Variants in OTOGL observed in about 807,000 individuals in gnomAD.
The protein encoded by OTOGL is otogelin-like protein.
In OTOGL, 285 loss-of-function variants were observed where a neutral mutation model predicts 318.5. The ratio of observed to expected loss-of-function variants is 0.89; its 90% confidence interval spans 0.81 to 0.99. OTOGL has a LOEUF of 0.99. Among genes scored for constraint, OTOGL ranks in the 50% least tolerant of loss-of-function variants. The pLI is 0.00. For missense variants in OTOGL, 2,899 were observed against 2,845.6 expected (o/e 1.02, Z -0.43); for synonymous variants, 987 against 936.5 (o/e 1.05, Z -0.99).
At position 80,352,397 on chromosome 12, in the gene OTOGL, T is replaced by G; in HGVS notation, c.5368T>G (p.Phe1790Val). The G allele has an allele frequency of 6.2e-7, 1 of 1,612,182 alleles. No individual in the cohort carries two copies. The highest frequency in any genetic ancestry group is 1.7e-4 in the Middle Eastern group (1 of 6,052). ...TGCATATGTGGCTCTGTGCAACAAG[T>G]TTGATATCTGTATTCAGTGGAGAAC... ...LSAYVALCNKFDICIQWRTPD... is the reference protein window; with the variant it reads ...LSAYVALCNKVDICIQWRTPD... Residue 1790 changes from phenylalanine (F) to valine (V), a missense_variant, in exon 45 of 59, where the codon TTT becomes GTT. By Grantham distance (50) the Phe-to-Val change is conservative. Transcript: ENST00000547103.
At chr12:80,324,916 G>A (rs1346791852) in intron 35 of OTOGL, among the ~76,000 whole-genome samples, 1 of 152,110 alleles carries the variant, frequency 6.6e-6, no homozygotes, top group Non-Finnish European at 1.5e-5. Flanking sequence ...ACAGTTCGGA[G>A]GAAAGGTCAG....
intron 22 of OTOGL, among the ~76,000 whole-genome samples, chr12:80,269,120 T>C (rs1211583150): frequency 6.6e-6 from 1 of 152,108 alleles, no homozygotes; most frequent in Non-Finnish European, 1.5e-5. Context: ...CAGTGGTGAA[T>C]CACACCTCTG....
At chr12:80,110,070 T>C (rs1869738246) in intron 1 of OTOGL, among the ~76,000 whole-genome samples, 1 of 139,820 alleles carries the variant, frequency 7.2e-6, no homozygotes, top group Non-Finnish European at 1.5e-5. Flanking sequence ...TTTCTTTCTT[T>C]TTTTTTTTTT....
chr12:80,225,427 T>C (rs1418761396), intron 7 of OTOGL, among the ~76,000 whole-genome samples: 2 of 152,134 alleles, frequency 1.3e-5, no homozygotes, highest in African/African-American at 4.8e-5. Flanking sequence ...TTGTTTTGAG[T>C]AGTAAAATTT....
At chr12:80,345,233 A>AT (rs1398667048) in intron 44 of OTOGL, among the ~76,000 whole-genome samples, 2 of 137,930 alleles carry the variant, frequency 1.5e-5, no homozygotes, top group African/African-American at 2.7e-5. Context: ...TATATTATAT[A>AT]TATATATTTT....
rs1479288640 is a variant in OTOGL, at chr12:80,128,382, C to T, written c.-20+28777C>T. ...TATTGGTGAACAGCAAATGTTGCTG[C>T]CTGATCGTTCCTCTGGAAGTTTTGT... On this transcript the variant is annotated intron_variant, in intron 1 of 58. Transcript: ENST00000547103. Among the ~76,000 whole-genome samples, 7 of 152,274 alleles carry T rather than the reference C, an allele frequency of 4.6e-5. No individual in the cohort carries two copies. In the South Asian group the frequency reaches 1.0e-3, roughly 23 times the overall value.
chr12:80,130,636 A>C (rs1871180694), intron 1 of OTOGL, among the ~76,000 whole-genome samples: 1 of 152,216 alleles, frequency 6.6e-6, no homozygotes, highest in African/African-American at 2.4e-5. Flanking sequence ...TAAGTTCTAC[A>C]GTATATGCTG....
At chr12:80,276,823 T>C (rs1883844285) in intron 24 of OTOGL, among the ~76,000 whole-genome samples, 1 of 151,616 alleles carries the variant, frequency 6.6e-6, no homozygotes, top group African/African-American at 2.4e-5. Flanking sequence ...AAACAAGATA[T>C]TTATGGTCCT....
chr12:80,205,718 A>G (rs1000210855), intron 1 of OTOGL, among the ~76,000 whole-genome samples: 2 of 152,220 alleles, frequency 1.3e-5, no homozygotes, highest in African/African-American at 4.8e-5. Context: ...ACAAGTAAAG[A>G]GTATTTGCAT....
rs117323670 is a variant in OTOGL at position 80,109,351 on chromosome 12, T to C, written c.-20+9746T>C. On this transcript the variant is annotated intron_variant, in intron 1 of 58. Coordinates refer to ENST00000547103, the MANE Select transcript of OTOGL (RefSeq NM_001378609.3). ...GGTTCTTTCTCTATTTGTTATTGTA[T>C]CTTCTTTTTCATTCGGGGAGAAATG... Among the ~76,000 whole-genome samples the C allele has an allele frequency of 1.1e-3, 166 of 152,306 alleles. 2 individuals carry two copies. In the East Asian group the frequency reaches 0.024, roughly 22 times the overall value.
chr12:80,232,873 T>C lies in OTOGL; in HGVS notation c.612-19T>C. 1 of 1,563,712 alleles carries C rather than the reference T, an allele frequency of 6.4e-7. No homozygotes were observed. Among genetic ancestry groups the C allele is most frequent in the Non-Finnish European group, 8.7e-7 (1 of 1,148,702 alleles). ...GACTTTATCATCATTCTTAGATAGC[T>C]TTTGTTCTGTTTTTCAAGTTTAACA... On this transcript the variant is annotated intron_variant, in intron 8 of 58. Transcript: ENST00000547103.
At chr12:80,127,401 C>A (rs183050723) in intron 1 of OTOGL, among the ~76,000 whole-genome samples, 69 of 152,284 alleles carry the variant, frequency 4.5e-4, no homozygotes, top group African/African-American at 1.6e-3. Flanking sequence ...GAGTTTCTGC[C>A]GAGAGATCCG....
At chr12:80,130,760 T>G (rs1304624421) in intron 1 of OTOGL, among the ~76,000 whole-genome samples, 1 of 152,248 alleles carries the variant, frequency 6.6e-6, no homozygotes, top group Non-Finnish European at 1.5e-5. Flanking sequence ...TGAATTCATT[T>G]ATATGAACAT....
At chr12:80,151,209 C>G (rs1014212236) in intron 1 of OTOGL, among the ~76,000 whole-genome samples, 79 of 152,190 alleles carry the variant, frequency 5.2e-4, no homozygotes, top group African/African-American at 1.8e-3. Context: ...GTACAAAAAG[C>G]AACTCTAAAT....
chr12:80,259,248 T>C (rs1882321285), intron 18 of OTOGL, among the ~76,000 whole-genome samples: 1 of 151,440 alleles, frequency 6.6e-6, no homozygotes, highest in Admixed American at 6.6e-5. Flanking sequence ...TTTGTGATTA[T>C]GGCTAGAAGA....
At chr12:80,272,597 C>T (rs965145400) in intron 24 of OTOGL, among the ~76,000 whole-genome samples, 19 of 152,100 alleles carry the variant, frequency 1.2e-4, no homozygotes, top group Non-Finnish European at 2.4e-4. Context: ...GAGGGAGTGC[C>T]ATCTAAGGCA....
intron 11 of OTOGL, among the ~76,000 whole-genome samples, chr12:80,243,440 C>A (rs559047212): frequency 5.3e-5 from 8 of 151,718 alleles, no homozygotes; most frequent in African/African-American, 1.9e-4. Flanking sequence ...TACTCCTACC[C>A]TAAAAGTATG....
chr12:80,295,157 C>CTTTTTTTTTTTTTTTT (rs66786755), intron 26 of OTOGL, among the ~76,000 whole-genome samples: 5 of 98,926 alleles, frequency 5.1e-5, no homozygotes, highest in African/African-American at 2.4e-4. Context: ...GATTGCCGAA[C>CTTTTTTTTTTTTTTTT]TTTTTTTTTT....
Position 80,114,367 on chromosome 12 carries a change from T to C in OTOGL, c.-20+14762T>C, listed in dbSNP as rs1565865174. On this transcript the variant is annotated intron_variant, in intron 1 of 58. Coordinates refer to ENST00000547103, the MANE Select transcript of OTOGL (RefSeq NM_001378609.3). The stretch of plus-strand genomic sequence containing the variant: ...TAAAGGATTTTATTTCTTCTTCTCT[T>C]ATGAAGCTTAGTTTGGCTGGATATG... Among the ~76,000 whole-genome samples the C allele has an allele frequency of 2.0e-5, 3 of 152,306 alleles. No homozygotes were observed. In the South Asian group the frequency reaches 6.2e-4, roughly 32 times the overall value.
Sources: allele counts gnomAD v4.1 joint callset (sites outside exome capture counted in the v4.1 genomes callset), GRCh38; gene constraint gnomAD v4.1.1; transcripts MANE v1.5; gene names NCBI Gene and HGNC (gene_info 2026-07-23, HGNC 2026-07-21).